The following FBXL2 variants were observed in gnomAD, a reference collection of about 807,000 sequenced individuals.
FBXL2 encodes F-box and leucine rich repeat protein 2, also known as F-box/LRR-repeat protein 2.
In FBXL2, 38 loss-of-function variants were observed where a neutral mutation model predicts 69.2. The observed-to-expected ratio is 0.55, with a 90% CI of 0.42 to 0.72. FBXL2 has a LOEUF of 0.72. FBXL2 is among the 30% of genes least tolerant of loss of function. The pLI, the probability that FBXL2 is intolerant of heterozygous loss-of-function variation, is 0.00. For missense variants in FBXL2, 354 were observed against 520.3 expected, an observed-to-expected ratio of 0.68 and a Z score of 3.11; for synonymous variants, 192 against 201.3, an observed-to-expected ratio of 0.95 and a Z score of 0.39.
chr3:33,342,114 C>T (rs1383441311), intron 2 of FBXL2, among the ~76,000 whole-genome samples: 3 of 149,256 alleles, frequency 2.0e-5, no homozygotes, highest in African/African-American at 7.4e-5. Context: ...ACGCCATTCT[C>T]CTGCCTCAGC....
chr3:33,413,548 A>C, the FBXL2 span, among the ~76,000 whole-genome samples: 11 of 128,770 alleles, frequency 8.5e-5, no homozygotes, highest in Admixed American at 2.4e-4. Context: ...CTCCATCACA[A>C]AAAAAAAAAA....
At chr3:33,360,918 CTTTTT>C (rs58912118) in intron 4 of FBXL2, among the ~76,000 whole-genome samples, 1 of 57,124 alleles carries the variant, frequency 1.8e-5, no homozygotes, top group African/African-American at 5.6e-5. Context: ...ACATGAAGAA[CTTTTT>C]TTTTTTTTTT....
the FBXL2 span, chr3:33,412,701 T>A: frequency 2.0e-6 from 3 of 1,476,084 alleles, no homozygotes; most frequent in Non-Finnish European, 1.9e-6. Flanking sequence ...ATCTCCATGG[T>A]CTTTTGATCA....
At chr3:33,285,275 G>A (rs927800285) in intron 1 of FBXL2, among the ~76,000 whole-genome samples, 2 of 152,140 alleles carry the variant, frequency 1.3e-5, no homozygotes, top group South Asian at 4.1e-4. Flanking sequence ...GTCTGTAAAG[G>A]ATTTTATTTC....
At chr3:33,420,843 G>A in the FBXL2 span, among the ~76,000 whole-genome samples, 1 of 152,126 alleles carries the variant, frequency 6.6e-6, no homozygotes, top group Non-Finnish European at 1.5e-5. Context: ...GGCTGTTATC[G>A]AACTCCCAAC....
intron 1 of FBXL2, among the ~76,000 whole-genome samples, chr3:33,296,512 A>G (rs1391247366): frequency 6.6e-6 from 1 of 152,172 alleles, no homozygotes; most frequent in Admixed American, 6.5e-5. Flanking sequence ...TTTAGCTCTT[A>G]TATTTATTTA....
chr3:33,328,297 A>G (rs772748638), intron 2 of FBXL2, among the ~76,000 whole-genome samples: 3 of 152,224 alleles, frequency 2.0e-5, no homozygotes, highest in Non-Finnish European at 4.4e-5. Context: ...TATAGATTCA[A>G]TGCAATTTCT....
intron 4 of FBXL2, chr3:33,364,337 G>A (rs1010888729): frequency 7.4e-6 from 3 of 404,218 alleles, no homozygotes; most frequent in Non-Finnish European, 1.4e-5. Flanking sequence ...CCTAACCCCA[G>A]GGCTAAGGCT....
chr3:33,384,279 C>A, intron 14 of FBXL2, 78 bp downstream of exon 14: 2 of 1,436,470 alleles, frequency 1.4e-6, no homozygotes, highest in Non-Finnish European at 1.9e-6. Context: ...CAGACCGGGG[C>A]TAGGCACGCG....
the FBXL2 span, among the ~76,000 whole-genome samples, chr3:33,409,873 C>G: frequency 6.6e-6 from 1 of 152,192 alleles, no homozygotes; most frequent in African/African-American, 2.4e-5. Flanking sequence ...ATCAGGGGTA[C>G]AACACTACAG....
chr3:33,404,124 A>AT (rs2044347984), downstream of FBXL2, among the ~76,000 whole-genome samples: 2 of 152,244 alleles, frequency 1.3e-5, no homozygotes, highest in Admixed American at 1.3e-4. Flanking sequence ...TAAAATAAAT[A>AT]TAATGAGGCC....
At chr3:33,409,353 A>AACAAAGTATACTATTTCATCT in the FBXL2 span, 1 of 1,614,132 alleles carries the variant, frequency 6.2e-7, no homozygotes, top group Non-Finnish European at 8.5e-7. Context: ...TAGGCTTAAA[A>AACAAAGTATACTATTTCATCT]ACAAAGTATA....
At position 33,372,960 on chromosome 3, in the gene FBXL2, A is replaced by G. The variant is rs2042387770; in HGVS notation, c.291-132A>G. On this transcript the variant is annotated intron_variant, in intron 5 of 14. Coordinates refer to ENST00000484457, the MANE Select transcript of FBXL2 (RefSeq NM_012157.5). ...TATCATCAGAATCTGCACTGTGACA[A>G]GAACCCTAGCTGATTGTTACGCGCT... 6.4e-6 allele frequency: 5 copies of G among 783,030 alleles called. No homozygotes were observed. The South Asian group carries it at 7.6e-5, about 12-fold the overall frequency. The allele number at this position is 783,030 out of a possible 1,614,324, so 48.5% of individuals were successfully genotyped here.
At chr3:33,350,224 A>C (rs2040734720) in intron 2 of FBXL2, among the ~76,000 whole-genome samples, 1 of 152,212 alleles carries the variant, frequency 6.6e-6, no homozygotes, top group Non-Finnish European at 1.5e-5. Context: ...TCAAATATGC[A>C]AGGATATTTT....
intron 2 of FBXL2, chr3:33,317,546 T>A (rs1164461259): frequency 2.2e-6 from 1 of 456,252 alleles, no homozygotes; most frequent in Non-Finnish European, 4.4e-6. Flanking sequence ...CACACATCAT[T>A]GTTTTGTAGC....
downstream of FBXL2, chr3:33,390,425 T>G: frequency 1.3e-6 from 2 of 1,594,114 alleles, no homozygotes; most frequent in South Asian, 2.2e-5. Flanking sequence ...TTAAGCCTAT[T>G]AAATGGAAAA....
At chr3:33,396,465 T>C (rs2044000190) in intron 12 of FBXL2, 2 of 507,138 alleles carry the variant, frequency 3.9e-6, no homozygotes, top group Non-Finnish European at 7.0e-6. Flanking sequence ...CTATCACAGG[T>C]GGTCTAATAT....
chr3:33,285,407 T>A (rs1054670630), intron 1 of FBXL2, among the ~76,000 whole-genome samples: 44 of 152,330 alleles, frequency 2.9e-4, no homozygotes, highest in African/African-American at 1.0e-3. Context: ...TGCCAAGAGA[T>A]CCGCTGTTAG....
intron 5 of FBXL2, among the ~76,000 whole-genome samples, chr3:33,366,925 G>A (rs1052742719): frequency 2.6e-5 from 4 of 152,056 alleles, no homozygotes; most frequent in Admixed American, 6.6e-5. Flanking sequence ...GCAACAGAAC[G>A]AGACTCCATC....
Sources: allele counts gnomAD v4.1 joint callset (sites outside exome capture counted in the v4.1 genomes callset), GRCh38; gene constraint gnomAD v4.1.1; transcripts MANE v1.5; gene names NCBI Gene and HGNC (gene_info 2026-07-23, HGNC 2026-07-21).